ETS1: variants seen among roughly 807,000 people sequenced by gnomAD.
ETS1 encodes the protein ETS proto-oncogene 1, transcription factor.
In ETS1, 15 loss-of-function variants were observed where a neutral mutation model predicts 58.6. The observed-to-expected ratio is 0.26, with a 90% CI of 0.17 to 0.39. ETS1 has a LOEUF of 0.39. ETS1 is among the 10% of genes least tolerant of loss of function. The probability of loss-of-function intolerance (pLI) is 1.00; values close to 1 mark genes in which losing one functional copy is unlikely to be tolerated. For missense variants in ETS1, 417 were observed against 610.5 expected, an observed-to-expected ratio of 0.68 and a Z score of 3.34; for synonymous variants, 214 against 218.2, an observed-to-expected ratio of 0.98 and a Z score of 0.17.
rs755191654 is a variant in ETS1 at position 128,585,032 on chromosome 11, A to AAAAGAAAG, written c.-15+2448_-15+2455dup. 5.0e-3 allele frequency among the ~76,000 whole-genome samples: 57 copies of AAAAGAAAG among 11,444 alleles called. 9 individuals carry two copies. The highest frequency in any genetic ancestry group is 7.1e-3 in the Non-Finnish European group (48 of 6,754). 7.5% of individuals were successfully genotyped at this position (11,444 alleles called of 152,430 possible). ...GAAAGGAAAGAAAGAAGAAAGAAAG[A>AAAAGAAAG]AAAGAAAGAAAGAAAGAAAGAAAGA... On this transcript the variant is annotated intron_variant, in intron 1 of 9. Coordinates refer to ENST00000392668, the MANE Select transcript of ETS1 (RefSeq NM_001143820.2).
intron 1 of ETS1, among the ~76,000 whole-genome samples, chr11:128,583,765 TTTGCACTAAATGTTTG>T (rs1864921633): frequency 6.6e-6 from 1 of 152,178 alleles, no homozygotes; most frequent in South Asian, 2.1e-4. Context: ...TTTCCTGACA[TTTGCACTAAATGTTTG>T]TTGCTTACTC....
chr11:128,497,026 A>T (rs935740912), intron 3 of ETS1, among the ~76,000 whole-genome samples: 6 of 152,164 alleles, frequency 3.9e-5, no homozygotes, highest in African/African-American at 1.4e-4. Flanking sequence ...TGTCCCAAAC[A>T]ACAGGACACT....
intron 7 of ETS1, among the ~76,000 whole-genome samples, chr11:128,484,103 T>G (rs1201778113): frequency 1.3e-5 from 2 of 152,246 alleles, no homozygotes; most frequent in Non-Finnish European, 2.9e-5. Context: ...TTTACCTTTT[T>G]TGCTTTATGT....
intron 1 of ETS1, among the ~76,000 whole-genome samples, chr11:128,579,349 G>C (rs182374335): frequency 1.3e-5 from 2 of 151,828 alleles, no homozygotes; most frequent in East Asian, 3.9e-4. Context: ...TTTTGGCTTG[G>C]AATACAGGAG....
intron 3 of ETS1, among the ~76,000 whole-genome samples, chr11:128,521,550 G>C (rs1863669772): frequency 6.6e-6 from 1 of 152,152 alleles, no homozygotes; most frequent in Admixed American, 6.5e-5. Context: ...TGTCCTCTGA[G>C]GCAGCGTCCA....
In ETS1 at chr11:128,490,485, T is replaced by C; in HGVS notation, c.306A>G (p.Lys102=). 3.7e-6 allele frequency: 6 copies of C among 1,613,924 alleles called. No individual in the cohort carries two copies. Among genetic ancestry groups the C allele is most frequent in the Non-Finnish European group, 5.1e-6 (6 of 1,179,766 alleles). The change falls in exon 4 of 10, where the codon AAA becomes AAG. Residue 102 remains lysine, a synonymous_variant. Coordinates refer to ENST00000392668, the MANE Select transcript of ETS1 (RefSeq NM_001143820.2). Reference sequence around the variant, plus strand: ...TTGGGATCCCCAGTCGTTGCTGTTCTTTAGTGAAACCACTGAAAGTAGCTT... The same window carrying C: ...TTGGGATCCCCAGTCGTTGCTGTTCCTTAGTGAAACCACTGAAAGTAGCTT... The part of the protein sequence containing the change: ...ALKATFSGFT[K]EQQRLGIPKD...
intron 2 of ETS1, among the ~76,000 whole-genome samples, chr11:128,565,360 C>A (rs367556283): frequency 6.6e-6 from 1 of 152,308 alleles, no homozygotes; most frequent in East Asian, 1.9e-4. Flanking sequence ...ACTGCCAATG[C>A]CTTGATCTTG....
intron 3 of ETS1, among the ~76,000 whole-genome samples, chr11:128,519,040 G>T (rs1399464999): frequency 6.6e-6 from 1 of 152,214 alleles, no homozygotes; most frequent in Non-Finnish European, 1.5e-5. Flanking sequence ...CACCAGGAGA[G>T]AACCAGGAGT....
At chr11:128,492,007 GCA>G (rs1381986956) in intron 3 of ETS1, among the ~76,000 whole-genome samples, 1 of 152,166 alleles carries the variant, frequency 6.6e-6, no homozygotes, top group Non-Finnish European at 1.5e-5. Flanking sequence ...TTAACCTCAG[GCA>G]CAGTTTCCCA....
chr11:128,520,004 G>T (rs1051659830), intron 3 of ETS1, among the ~76,000 whole-genome samples: 1 of 152,170 alleles, frequency 6.6e-6, no homozygotes, highest in Non-Finnish European at 1.5e-5. Context: ...TTGGCCAGTT[G>T]AAATTTTGTT....
intron 3 of ETS1, chr11:128,497,571 A>C (rs1862975517): frequency 7.1e-6 from 7 of 984,562 alleles, no homozygotes; most frequent in African/African-American, 1.7e-5. Context: ...TTGGTGACTC[A>C]CCAGGCTCAC....
Position 128,462,392 on chromosome 11 carries a change from A to G in ETS1, c.1427T>C (p.Met476Thr). ...GTCGGCATCTGGCTTGACGTCCAGC[A>G]TGGCGTGCAGCTCCTCAGGGGTGTA... ...LGYTPEELHA[M>T]LDVKPDADE Residue 476 changes from methionine (M) to threonine (T), a missense_variant, in exon 10 of 10, where the codon ATG becomes ACG. Physicochemically the swap from Met to Thr is moderately conservative, Grantham distance 81. Around this residue, in one of 4 missense-constraint regions of ETS1, gnomAD observed 56 missense variants for 156.1 expected, o/e 0.36. Coordinates refer to ENST00000392668, the MANE Select transcript of ETS1 (RefSeq NM_001143820.2). 6.2e-7 allele frequency: 1 copy of G among 1,613,876 alleles called. No individual in the cohort carries two copies. The highest frequency in any genetic ancestry group is 1.1e-5 in the South Asian group (1 of 91,086).
chr11:128,558,447 C>G (rs767434389), intron 2 of ETS1, among the ~76,000 whole-genome samples: 13 of 152,150 alleles, frequency 8.5e-5, no homozygotes, highest in Non-Finnish European at 1.3e-4. Context: ...GAGTTCGAGA[C>G]CAGCCTGGAC....
chr11:128,508,451 TC>T (rs925220989), intron 3 of ETS1, among the ~76,000 whole-genome samples: 1 of 152,152 alleles, frequency 6.6e-6, no homozygotes, highest in Non-Finnish European at 1.5e-5. Flanking sequence ...CCCAGGGCTG[TC>T]TTACCTCAAA....
At chr11:128,528,460 C>A (rs940639412) in intron 3 of ETS1, among the ~76,000 whole-genome samples, 1 of 152,074 alleles carries the variant, frequency 6.6e-6, no homozygotes, top group African/African-American at 2.4e-5. Flanking sequence ...AAGCTGTCAC[C>A]CCACCCCTGC....
chr11:128,501,116 C>T (rs886524320), intron 3 of ETS1, among the ~76,000 whole-genome samples: 2 of 152,148 alleles, frequency 1.3e-5, no homozygotes, highest in Admixed American at 1.3e-4. Flanking sequence ...TCATCACTTC[C>T]GTCCAGGTTT....
Position 128,463,714 on chromosome 11 carries a change from T to C in ETS1, c.1124-87A>G. ...CCCACACACGGCACTCCCACATCCCTCTTCTCTCAGCCCATCCAGCCAGGA... is the reference window on the plus strand; with the variant it reads ...CCCACACACGGCACTCCCACATCCCCCTTCTCTCAGCCCATCCAGCCAGGA... On this transcript the variant is annotated intron_variant, in intron 8 of 9. Transcript: ENST00000392668. The surrounding 1 kb of genome is among the most constrained non-coding windows in gnomAD (Gnocchi z 4.1). 2.6e-6 allele frequency: 2 copies of C among 760,040 alleles called. No individual in the cohort carries two copies. The highest frequency in any genetic ancestry group is 2.5e-5 in the East Asian group (1 of 39,586). 47.1% of individuals were successfully genotyped at this position (760,040 alleles called of 1,614,324 possible). A position where few individuals can be genotyped will look rare whatever the true frequency, so the allele number is the denominator to read the frequency against.
intron 3 of ETS1, among the ~76,000 whole-genome samples, chr11:128,491,830 G>C (rs564373881): frequency 1.3e-5 from 2 of 152,338 alleles, no homozygotes; most frequent in South Asian, 4.1e-4. Flanking sequence ...AGTGTCAGTA[G>C]TGAAGAAGAG....
In ETS1 at chr11:128,506,418, C is replaced by T. The variant is rs532844431; in HGVS notation, c.215-15842G>A. On this transcript the variant is annotated intron_variant, in intron 3 of 9. Transcript: ENST00000392668. ...TCCCTCTAGTGGGAGAAGCAAACAC[C>T]GCCTAAGTACAGAAGCAATAGCTAT... 2.0e-5 allele frequency among the ~76,000 whole-genome samples: 3 copies of T among 152,260 alleles called. No individual in the cohort carries two copies. The East Asian group carries it at 5.8e-4, about 29-fold the overall frequency.
Sources: allele counts gnomAD v4.1 joint callset (sites outside exome capture counted in the v4.1 genomes callset), GRCh38; gene constraint gnomAD v4.1.1; regional missense constraint gnomAD v4.1.1; non-coding constraint Gnocchi (gnomAD v3.1); transcripts MANE v1.5; gene names NCBI Gene and HGNC (gene_info 2026-07-23, HGNC 2026-07-21).